Variants in THSD7B observed in about 807,000 individuals in gnomAD.
The protein encoded by THSD7B is thrombospondin type 1 domain containing 7B.
THSD7B carries 138 observed loss-of-function variants against 213.6 expected under a neutral mutation model. The observed-to-expected ratio is 0.65, with a 90% CI of 0.56 to 0.74. The LOEUF is 0.74. Ranked by LOEUF, THSD7B falls within the 30% of genes least tolerant of loss-of-function variation. THSD7B has a pLI of 0.00. For synonymous variants in THSD7B, 742 were observed against 687.0 expected, an observed-to-expected ratio of 1.08 and a Z score of -1.25; for missense variants, 1,931 against 1,991.5, an observed-to-expected ratio of 0.97 and a Z score of 0.58.
intron 7 of THSD7B, among the ~76,000 whole-genome samples, chr2:137,173,494 T>A (rs185229600): frequency 9.2e-5 from 14 of 152,320 alleles, no homozygotes; most frequent in African/African-American, 3.4e-4. Flanking sequence ...TTTACAGCAG[T>A]TTTAGAGCTT....
chr2:136,868,550 A>G (rs1341897561), intron 1 of THSD7B, among the ~76,000 whole-genome samples: 3 of 152,226 alleles, frequency 2.0e-5, no homozygotes, highest in Non-Finnish European at 2.9e-5. Flanking sequence ...AGCTATATTT[A>G]CAGTTTAACT....
chr2:137,566,650 A>G (rs1404422780), intron 16 of THSD7B, among the ~76,000 whole-genome samples: 1 of 152,148 alleles, frequency 6.6e-6, no homozygotes, highest in Non-Finnish European at 1.5e-5. Context: ...ATCGGGTTTC[A>G]TAACCTTTAG....
At chr2:136,984,071 G>A (rs1042179544) in intron 2 of THSD7B, among the ~76,000 whole-genome samples, 1 of 152,150 alleles carries the variant, frequency 6.6e-6, no homozygotes, top group Admixed American at 6.5e-5. Flanking sequence ...AAAAAAGAGA[G>A]CAAGAAAGAA....
chr2:136,892,874 T>C (rs1280134209), intron 2 of THSD7B, among the ~76,000 whole-genome samples: 2 of 152,154 alleles, frequency 1.3e-5, no homozygotes, highest in South Asian at 2.1e-4. Flanking sequence ...GCCCCTAATA[T>C]TCAGCTTCTT....
intron 17 of THSD7B, among the ~76,000 whole-genome samples, chr2:137,614,681 C>A (rs1257063061): frequency 1.3e-5 from 2 of 151,878 alleles, no homozygotes; most frequent in Non-Finnish European, 2.9e-5. Flanking sequence ...TTTCATGGGC[C>A]CTTCTTGATT....
chr2:136,979,828 A>G (rs984380343), intron 2 of THSD7B, among the ~76,000 whole-genome samples: 5 of 152,192 alleles, frequency 3.3e-5, no homozygotes, highest in Middle Eastern at 3.4e-3. Context: ...TGTTGTGATC[A>G]TTTGGAGAAG....
chr2:137,394,921 G>A lies in THSD7B; in HGVS notation c.2501-10692G>A, dbSNP rs1050731338. Among the ~76,000 whole-genome samples, 244 of 146,976 alleles carry A rather than the reference G, an allele frequency of 1.7e-3. 14 individuals carry two copies. Among genetic ancestry groups the A allele is most frequent in the African/African-American group, 6.0e-3 (228 of 38,240 alleles). On this transcript the variant is annotated intron_variant, in intron 12 of 27. Transcript: ENST00000409968. ...TCCTAGGTATTTTATTCTCTTTGAAGCAATTGTGAATGGCAGTTCACTCAT... is the reference window on the plus strand; with the variant it reads ...TCCTAGGTATTTTATTCTCTTTGAAACAATTGTGAATGGCAGTTCACTCAT...
chr2:137,532,416 A>G (rs890873248), intron 15 of THSD7B, among the ~76,000 whole-genome samples: 6 of 151,858 alleles, frequency 4.0e-5, no homozygotes. Context: ...GAAAAAAAGA[A>G]TTATTCTAGA....
intron 15 of THSD7B, among the ~76,000 whole-genome samples, chr2:137,508,543 ATTT>A (rs70978232): frequency 2.3e-5 from 3 of 132,394 alleles, no homozygotes; most frequent in Admixed American, 7.6e-5. Context: ...TGCCCGGCTA[ATTT>A]TTTTTTTTTT....
At chr2:137,323,360 T>C (rs17739093) in intron 12 of THSD7B, among the ~76,000 whole-genome samples, 4,076 of 152,288 alleles carry the variant, frequency 0.027, 79 homozygotes, top group Middle Eastern at 0.048. Flanking sequence ...CTGTCCCCCA[T>C]GAGAAGCTTG....
intron 7 of THSD7B, among the ~76,000 whole-genome samples, chr2:137,186,294 A>C (rs1029738100): frequency 1.3e-5 from 2 of 152,084 alleles, no homozygotes; most frequent in African/African-American, 4.8e-5. Context: ...CCTAGCCATA[A>C]ATTATTTGCC....
chr2:137,392,922 A>C (rs1352436558), intron 12 of THSD7B, among the ~76,000 whole-genome samples: 1 of 151,746 alleles, frequency 6.6e-6, no homozygotes, highest in Non-Finnish European at 1.5e-5. Flanking sequence ...AAGACCTCTG[A>C]GTTTTATACT....
intron 2 of THSD7B, among the ~76,000 whole-genome samples, chr2:136,932,814 G>C (rs59227143): frequency 1.3e-5 from 2 of 152,094 alleles, no homozygotes; most frequent in Non-Finnish European, 2.9e-5. Flanking sequence ...TTCAAGGTCA[G>C]CTGTTCAGTG....
At position 137,061,161 on chromosome 2, in the gene THSD7B, TAAG is replaced by T. The variant is rs150856182; in HGVS notation, c.950+3934_950+3936del. 3.5e-3 allele frequency among the ~76,000 whole-genome samples: 525 copies of T among 152,024 alleles called. 7 individuals carry two copies. The East Asian group carries it at 0.043, about 12-fold the overall frequency. The stretch of plus-strand genomic sequence containing the variant: ...TTGCAATTGTGCATTGCTGGTATAA[TAAG>T]AAAACCGTTAACTTTTTATATTAAC... On this transcript the variant is annotated intron_variant, in intron 3 of 27. Coordinates refer to ENST00000409968, the MANE Select transcript of THSD7B (RefSeq NM_001316349.2).
chr2:137,639,692 C>T (rs541922350), intron 20 of THSD7B, among the ~76,000 whole-genome samples: 1 of 152,284 alleles, frequency 6.6e-6, no homozygotes, highest in South Asian at 2.1e-4. Context: ...CATGGCAACC[C>T]ACCTTTTGCG....
At chr2:137,218,931 T>C (rs1405686848) in intron 7 of THSD7B, among the ~76,000 whole-genome samples, 2 of 152,114 alleles carry the variant, frequency 1.3e-5, no homozygotes, top group Non-Finnish European at 2.9e-5. Context: ...TATTAGCTTC[T>C]ATGCTGCCTT....
At chr2:137,600,352 T>C (rs945572212) in intron 17 of THSD7B, among the ~76,000 whole-genome samples, 4 of 152,226 alleles carry the variant, frequency 2.6e-5, no homozygotes, top group African/African-American at 9.6e-5. Flanking sequence ...ATGATTACAA[T>C]GGAACTGAAA....
intron 1 of THSD7B, among the ~76,000 whole-genome samples, chr2:136,805,459 T>C (rs1429954501): frequency 6.6e-6 from 1 of 152,162 alleles, no homozygotes; most frequent in Non-Finnish European, 1.5e-5. Context: ...AATTCCAAAG[T>C]GGTGGCCATG....
intron 1 of THSD7B, among the ~76,000 whole-genome samples, chr2:136,775,387 C>T (rs1457867836): frequency 6.6e-6 from 1 of 152,104 alleles, no homozygotes; most frequent in Non-Finnish European, 1.5e-5. Context: ...CAGCTCTGCT[C>T]ACTCCATTGG....
Sources: gnomAD v4.1 joint callset for allele counts (sites outside exome capture counted in the v4.1 genomes callset) on GRCh38, gnomAD v4.1.1 for gene constraint, MANE v1.5 for transcripts, NCBI Gene and HGNC (gene_info 2026-07-23, HGNC 2026-07-21) for gene names.